The following SLC24A3 variants were observed in gnomAD, a reference collection of about 807,000 sequenced individuals.
The protein encoded by SLC24A3 is sodium/potassium/calcium exchanger 3.
SLC24A3 carries 28 observed loss-of-function variants against 75.8 expected under a neutral mutation model. The ratio of observed to expected loss-of-function variants is 0.37; its 90% CI spans 0.27 to 0.51. SLC24A3 has a LOEUF of 0.51. Ranked by LOEUF, SLC24A3 falls within the 20% of genes least tolerant of loss-of-function variation. The pLI is 0.94. For missense variants in SLC24A3, 663 were observed against 847.8 expected (o/e 0.78, Z 2.71); for synonymous variants, 372 against 334.1 (o/e 1.11, Z -1.24).
chr20:19,655,854 C>T (rs955691263), intron 7 of SLC24A3, among the ~76,000 whole-genome samples: 2 of 151,968 alleles, frequency 1.3e-5, no homozygotes, highest in East Asian at 1.9e-4. Context: ...GGTCGTGAGA[C>T]ATCTCAGCCT....
chr20:19,522,493 A>G (rs1488922958), intron 3 of SLC24A3, among the ~76,000 whole-genome samples: 1 of 152,214 alleles, frequency 6.6e-6, no homozygotes, highest in Non-Finnish European at 1.5e-5. Context: ...CAAGTCCCAG[A>G]ACTTCTCCTG....
Position 19,721,188 on chromosome 20 carries a change from C to T in SLC24A3, c.*48C>T, listed in dbSNP as rs375177946. The T allele has an allele frequency of 1.5e-5, 24 of 1,605,470 alleles. No individual in the cohort carries two copies. Among genetic ancestry groups the T allele is most frequent in the African/African-American group, 1.3e-4 (10 of 74,928 alleles). On this transcript the variant is annotated 3_prime_UTR_variant, in exon 17 of 17. Coordinates refer to ENST00000328041, the MANE Select transcript of SLC24A3 (RefSeq NM_020689.4). ...TCAGCTCCTTCTTTTCTGTGCAATA[C>T]GAGACCCGGCCGCACCCCGAGTCAC...
intron 6 of SLC24A3, among the ~76,000 whole-genome samples, chr20:19,623,529 T>C (rs1455528656): frequency 2.0e-5 from 3 of 152,220 alleles, no homozygotes; most frequent in African/African-American, 7.2e-5. Flanking sequence ...AGAATTCTGC[T>C]GTCCAGAATG....
At chr20:19,312,726 A>G (rs1333187989) in intron 2 of SLC24A3, among the ~76,000 whole-genome samples, 1 of 152,166 alleles carries the variant, frequency 6.6e-6, no homozygotes, top group Non-Finnish European at 1.5e-5. Flanking sequence ...TTATGTTGAC[A>G]AGTGTGATGG....
intron 6 of SLC24A3, among the ~76,000 whole-genome samples, chr20:19,596,016 G>A (rs1458980944): frequency 2.0e-5 from 3 of 152,202 alleles, no homozygotes; most frequent in Admixed American, 2.0e-4. Context: ...GGGGAGTATG[G>A]CTGGGAGTGC....
intron 2 of SLC24A3, among the ~76,000 whole-genome samples, chr20:19,493,771 G>C (rs1988239409): frequency 6.6e-6 from 1 of 152,168 alleles, no homozygotes; most frequent in Non-Finnish European, 1.5e-5. Flanking sequence ...CAAGCCAATG[G>C]CCAGTTCATC....
intron 2 of SLC24A3, among the ~76,000 whole-genome samples, chr20:19,381,201 A>G (rs1458918268): frequency 6.6e-6 from 1 of 152,190 alleles, no homozygotes; most frequent in East Asian, 1.9e-4. Flanking sequence ...TGTTTATTGA[A>G]CACCCACAAT....
chr20:19,303,300 G>A (rs1984241329), intron 2 of SLC24A3, among the ~76,000 whole-genome samples: 1 of 152,120 alleles, frequency 6.6e-6, no homozygotes, highest in South Asian at 2.1e-4. Flanking sequence ...TTTGGATAAT[G>A]GCCTCCACCT....
At chr20:19,561,050 T>A (rs6112462) in intron 3 of SLC24A3, among the ~76,000 whole-genome samples, 1,974 of 152,332 alleles carry the variant, frequency 0.013, 19 homozygotes, top group Middle Eastern at 0.031. Flanking sequence ...TGAGCTCCTG[T>A]AAGCCGTCTA....
At chr20:19,472,389 A>G (rs187460716) in intron 2 of SLC24A3, among the ~76,000 whole-genome samples, 1 of 152,346 alleles carries the variant, frequency 6.6e-6, no homozygotes, top group East Asian at 1.9e-4. Flanking sequence ...CCTTCCAGAG[A>G]AACTGGGCTT....
At chr20:19,682,513 A>C (rs1407309201) in intron 10 of SLC24A3, among the ~76,000 whole-genome samples, 1 of 152,186 alleles carries the variant, frequency 6.6e-6, no homozygotes, top group East Asian at 1.9e-4. Context: ...ATTCCCAGGC[A>C]ACACATTTGC....
At chr20:19,474,969 T>C (rs1987938139) in intron 2 of SLC24A3, among the ~76,000 whole-genome samples, 1 of 152,172 alleles carries the variant, frequency 6.6e-6, no homozygotes, top group Admixed American at 6.5e-5. Flanking sequence ...GGAAAGGGTA[T>C]CTTCTGATAT....
chr20:19,366,389 C>A (rs1282939438), intron 2 of SLC24A3, among the ~76,000 whole-genome samples: 2 of 152,178 alleles, frequency 1.3e-5, no homozygotes, highest in African/African-American at 4.8e-5. Flanking sequence ...ATAATTATCT[C>A]CAGTGTGAAT....
At chr20:19,428,988 C>A (rs1008257856) in intron 2 of SLC24A3, among the ~76,000 whole-genome samples, 1 of 152,180 alleles carries the variant, frequency 6.6e-6, no homozygotes, top group Non-Finnish European at 1.5e-5. Context: ...TTCTTTCCAT[C>A]TTTAGGTTCT....
At chr20:19,469,911 A>T (rs1009141612) in intron 2 of SLC24A3, among the ~76,000 whole-genome samples, 18 of 152,172 alleles carry the variant, frequency 1.2e-4, no homozygotes, top group Non-Finnish European at 7.4e-5. Context: ...AATTATTCCC[A>T]TGCAAGGGTG....
chr20:19,524,907 G>A (rs183342007), intron 3 of SLC24A3, among the ~76,000 whole-genome samples: 3 of 152,156 alleles, frequency 2.0e-5, no homozygotes, highest in African/African-American at 7.2e-5. Context: ...CAAATATTCA[G>A]CAAATCAATC....
At chr20:19,511,550 A>G (rs1988538254) in intron 2 of SLC24A3, among the ~76,000 whole-genome samples, 1 of 151,872 alleles carries the variant, frequency 6.6e-6, no homozygotes, top group South Asian at 2.1e-4. Context: ...GATGGTCTCA[A>G]TCTCCTGACC....
intron 12 of SLC24A3, among the ~76,000 whole-genome samples, chr20:19,685,620 G>A (rs1304997254): frequency 6.6e-6 from 1 of 152,282 alleles, no homozygotes; most frequent in Admixed American, 6.5e-5. Flanking sequence ...AAATGTCAGG[G>A]ATTTGTTCTA....
chr20:19,495,568 G>A (rs573096933), intron 2 of SLC24A3, among the ~76,000 whole-genome samples: 6 of 152,304 alleles, frequency 3.9e-5, no homozygotes, highest in East Asian at 3.9e-4. Context: ...GATTTCATTC[G>A]TTGTATGGCA....
Sources: gnomAD v4.1 joint callset for allele counts (sites outside exome capture counted in the v4.1 genomes callset) on GRCh38, gnomAD v4.1.1 for gene constraint, MANE v1.5 for transcripts, NCBI Gene and HGNC (gene_info 2026-07-23, HGNC 2026-07-21) for gene names.